The following CACNA1C variants were observed in gnomAD, a reference collection of about 807,000 sequenced individuals.
The protein encoded by CACNA1C is voltage-dependent L-type calcium channel subunit alpha-1C.
CACNA1C carries 30 observed loss-of-function variants against 229.0 expected under a neutral mutation model. The ratio of observed to expected loss-of-function variants is 0.13; its 90% CI spans 0.10 to 0.18. The LOEUF (loss-of-function observed/expected upper bound fraction) is 0.18, where lower values mean the gene tolerates loss of function less well. Ranked by LOEUF, CACNA1C falls within the 10% of genes least tolerant of loss-of-function variation. The pLI is 1.00. For synonymous variants in CACNA1C, 1,114 were observed against 1,132.5 expected, an observed-to-expected ratio of 0.98 and a Z score of 0.33; for missense variants, 1,658 against 2,845.0, an observed-to-expected ratio of 0.58 and a Z score of 9.49.
intron 3 of CACNA1C, among the ~76,000 whole-genome samples, chr12:2,158,916 A>G (rs981797138): frequency 3.9e-5 from 6 of 152,154 alleles, no homozygotes; most frequent in South Asian, 2.1e-4. Flanking sequence ...GATAAAGTGG[A>G]TGCAGGACAT....
At chr12:2,001,247 A>G (rs2042142449) in intron 1 of CACNA1C, among the ~76,000 whole-genome samples, 1 of 152,044 alleles carries the variant, frequency 6.6e-6, no homozygotes, top group Non-Finnish European at 1.5e-5. Flanking sequence ...AGCAAAGTCC[A>G]GGGTTAGGGA....
At chr12:2,417,560 G>T (rs572800672) in intron 3 of CACNA1C, among the ~76,000 whole-genome samples, 1 of 152,318 alleles carries the variant, frequency 6.6e-6, no homozygotes, top group African/African-American at 2.4e-5. Flanking sequence ...CCCTGTGCGT[G>T]TGCTGCAGTC....
chr12:2,541,008 G>C (rs1280758622), intron 9 of CACNA1C, among the ~76,000 whole-genome samples: 1 of 152,144 alleles, frequency 6.6e-6, no homozygotes, highest in East Asian at 1.9e-4. Flanking sequence ...CCTCTCTTTG[G>C]CTTGCAGGTG....
chr12:2,168,458 G>GT (rs1380439040), intron 3 of CACNA1C, among the ~76,000 whole-genome samples: 2 of 152,302 alleles, frequency 1.3e-5, no homozygotes, highest in Non-Finnish European at 2.9e-5. Flanking sequence ...CCACAAGGCT[G>GT]TTTTTTGCAG....
intron 13 of CACNA1C, among the ~76,000 whole-genome samples, chr12:2,574,393 G>C (rs1302560577): frequency 3.9e-5 from 6 of 152,336 alleles, no homozygotes; most frequent in African/African-American, 1.4e-4. Flanking sequence ...CGTGATACCA[G>C]TTTACTGATT....
chr12:2,115,246 C>T lies in CACNA1C; in HGVS notation c.72C>T (p.Arg24=), dbSNP rs562561639. The T allele has an allele frequency of 1.3e-6, 2 of 1,581,688 alleles. No homozygotes were observed. Among genetic ancestry groups the T allele is most frequent in the Non-Finnish European group, 1.7e-6 (2 of 1,162,400 alleles). Residue 24 remains arginine, a synonymous_variant, in exon 2 of 47, where the codon CGC becomes CGT. Transcript: ENST00000399655. ...CAGGTTCCAACTATGGGAGCCCACG[C>T]CCCGCCCATGCCAACATGAATGCCA... ...NHQGSNYGSP[R]PAHANMNANA... is the part of the protein sequence containing the mutation.
Position 2,597,600 on chromosome 12 carries a change from T to G in CACNA1C, c.2853+311T>G. 2.4e-6 allele frequency: 2 copies of G among 836,796 alleles called. No homozygotes were observed. Among genetic ancestry groups the G allele is most frequent in the South Asian group, 2.9e-5 (2 of 69,846 alleles). 51.8% of individuals were successfully genotyped at this position (836,796 alleles called of 1,614,324 possible). On this transcript the variant is annotated intron_variant, in intron 21 of 46. Coordinates refer to ENST00000399655, the MANE Select transcript of CACNA1C (RefSeq NM_000719.7). This position sits in a 1 kb window ranked among gnomAD's most constrained non-coding sequence, Gnocchi z 4.3. ...TCTGTTTCTTTCACTCTCTCTTTTC[T>G]TTACTCCCAAGCCTGAAATTGGAAA...
At chr12:2,624,133 T>C (rs1303623749) in intron 29 of CACNA1C, among the ~76,000 whole-genome samples, 1 of 152,124 alleles carries the variant, frequency 6.6e-6, no homozygotes, top group Non-Finnish European at 1.5e-5. Context: ...GTTTGGGGGT[T>C]TGTTTTGTGT....
chr12:2,081,760 G>T (rs1283838910), intron 1 of CACNA1C, among the ~76,000 whole-genome samples: 1 of 152,080 alleles, frequency 6.6e-6, no homozygotes, highest in Non-Finnish European at 1.5e-5. Context: ...TTAGGATGGG[G>T]TGGGTGCAAA....
chr12:2,160,873 G>T (rs968057801), intron 3 of CACNA1C, among the ~76,000 whole-genome samples: 2 of 152,228 alleles, frequency 1.3e-5, no homozygotes, highest in Admixed American at 1.3e-4. Context: ...CCAGGCGGGA[G>T]TGCAGTGGCT....
chr12:2,644,814 C>T (rs1037481443), intron 30 of CACNA1C, among the ~76,000 whole-genome samples: 4 of 152,202 alleles, frequency 2.6e-5, no homozygotes, highest in Admixed American at 6.5e-5. Flanking sequence ...CCAGAGACCT[C>T]CCTCTCATTA....
intron 3 of CACNA1C, among the ~76,000 whole-genome samples, chr12:2,264,790 C>T (rs2081687991): frequency 6.6e-6 from 1 of 152,160 alleles, no homozygotes. Context: ...AATTGATGGC[C>T]CCCCTTTGGC....
chr12:2,173,543 C>T (rs2096558260), intron 3 of CACNA1C, among the ~76,000 whole-genome samples: 1 of 152,134 alleles, frequency 6.6e-6, no homozygotes, highest in Non-Finnish European at 1.5e-5. Context: ...TATAATCACC[C>T]CATTTGTTGA....
At chr12:2,267,791 G>A (rs906640057) in intron 3 of CACNA1C, among the ~76,000 whole-genome samples, 2 of 152,182 alleles carry the variant, frequency 1.3e-5, no homozygotes, top group Admixed American at 1.3e-4. Flanking sequence ...AGCGAGGAAG[G>A]AGCCTGCTGG....
At chr12:2,101,899 C>T (rs1046541900) in intron 1 of CACNA1C, among the ~76,000 whole-genome samples, 6 of 152,068 alleles carry the variant, frequency 3.9e-5, no homozygotes, top group Admixed American at 1.3e-4. Context: ...ATAAACTGGG[C>T]CAGAGCAACA....
intron 3 of CACNA1C, among the ~76,000 whole-genome samples, chr12:2,332,536 A>G (rs1362420813): frequency 6.6e-6 from 1 of 152,216 alleles, no homozygotes; most frequent in Non-Finnish European, 1.5e-5. Context: ...AAAAATATCC[A>G]TAACTTTTAG....
At position 2,499,816 on chromosome 12, in the gene CACNA1C, A is replaced by T. The variant is rs527831258; in HGVS notation, c.1114-5026A>T. ...AGCAATCTGGGTCATTTTTTTTTTT[A>T]AATCTGACTTTATTCTTTGTCTTCT... is the stretch of plus-strand genomic sequence containing the variant. On this transcript the variant is annotated intron_variant, in intron 7 of 46. Transcript: ENST00000399655. 6.7e-4 allele frequency among the ~76,000 whole-genome samples: 101 copies of T among 150,848 alleles called. 1 individual carries two copies. In the East Asian group the frequency reaches 0.017, roughly 25 times the overall value.
intron 3 of CACNA1C, among the ~76,000 whole-genome samples, chr12:2,199,462 C>G (rs1319491840): frequency 1.3e-5 from 2 of 151,996 alleles, no homozygotes; most frequent in Admixed American, 6.6e-5. Flanking sequence ...TTAATATATT[C>G]TTTTCTCTAG....
intron 3 of CACNA1C, among the ~76,000 whole-genome samples, chr12:2,307,894 T>C (rs2095170130): frequency 6.6e-6 from 1 of 152,206 alleles, no homozygotes; most frequent in Admixed American, 6.5e-5. Context: ...CCACAGAGGC[T>C]ACTCTTCATG....
Sources: gnomAD v4.1 joint callset for allele counts (sites outside exome capture counted in the v4.1 genomes callset) on GRCh38, gnomAD v4.1.1 for gene constraint, Gnocchi (gnomAD v3.1) non-coding constraint, MANE v1.5 for transcripts, NCBI Gene and HGNC (gene_info 2026-07-23, HGNC 2026-07-21) for gene names.